The following STPG2 variants were observed in gnomAD, a reference collection of about 807,000 sequenced individuals.
The protein encoded by STPG2 is sperm tail PG-rich repeat containing 2, also known as sperm-tail PG-rich repeat-containing protein 2.
A neutral mutation model predicts 54.2 loss-of-function variants in STPG2; 56 were observed. The observed-to-expected ratio is 1.03, with a 90% CI of 0.83 to 1.29. The LOEUF (loss-of-function observed/expected upper bound fraction) is 1.29, where lower values mean the gene tolerates loss of function less well. STPG2 is among the 50% of genes most tolerant of loss of function. The pLI is 0.00. For missense variants in STPG2, 596 were observed against 544.9 expected (o/e 1.09, Z -0.93); for synonymous variants, 200 against 181.8 (o/e 1.10, Z -0.81).
chr4:97,971,075 A>T (rs1734308555), intron 7 of STPG2, among the ~76,000 whole-genome samples: 1 of 152,250 alleles, frequency 6.6e-6, no homozygotes, highest in Non-Finnish European at 1.5e-5. Flanking sequence ...ACTGGTCATC[A>T]GAGAAATGCA....
intron 9 of STPG2, among the ~76,000 whole-genome samples, chr4:97,800,576 G>T (rs1263433226): frequency 6.6e-6 from 1 of 152,192 alleles, no homozygotes; most frequent in Non-Finnish European, 1.5e-5. Flanking sequence ...GCCGTGTGAG[G>T]TGTCAGTCTG....
chr4:97,446,566 A>G (rs1441305227), intron 4 of STPG2, among the ~76,000 whole-genome samples: 1 of 152,134 alleles, frequency 6.6e-6, no homozygotes, highest in Non-Finnish European at 1.5e-5. Context: ...CTCATCTCAA[A>G]TTGCAATTCC....
intron 10 of STPG2, among the ~76,000 whole-genome samples, chr4:97,590,345 C>T (rs547763545): frequency 6.6e-6 from 1 of 151,958 alleles, no homozygotes; most frequent in South Asian, 2.1e-4. Context: ...GTGTCTCGGT[C>T]AGCAGCAAGA....
chr4:97,945,176 C>T (rs1481642265), intron 7 of STPG2, among the ~76,000 whole-genome samples: 1 of 151,956 alleles, frequency 6.6e-6, no homozygotes, highest in Non-Finnish European at 1.5e-5. Flanking sequence ...GTACATTGTA[C>T]CCAATAAGTA....
At chr4:97,746,889 G>A (rs1348750383) in intron 9 of STPG2, among the ~76,000 whole-genome samples, 4 of 151,126 alleles carry the variant, frequency 2.6e-5, no homozygotes, top group Admixed American at 2.0e-4. Context: ...CCATGTTCCA[G>A]GTATGTAGAA....
Position 97,720,978 on chromosome 4 carries a change from T to C in STPG2, c.1205-8164A>G, listed in dbSNP as rs112580450. 4.9e-3 allele frequency among the ~76,000 whole-genome samples: 747 copies of C among 152,096 alleles called. 3 individuals are homozygous for C. The highest frequency in any genetic ancestry group is 0.02 in the Middle Eastern group (6 of 294). On this transcript the variant is annotated intron_variant, in intron 9 of 10. Transcript: ENST00000295268. ...ATGTGACGTCTTCCCTAAGAGACAA[T>C]CTTCTCCCTCATATTTTTAACTAGA...
At chr4:97,447,791 G>C (rs1729263412) in intron 4 of STPG2, among the ~76,000 whole-genome samples, 1 of 152,220 alleles carries the variant, frequency 6.6e-6, no homozygotes, top group South Asian at 2.1e-4. Flanking sequence ...TGCTAGAGCA[G>C]TGTGGAAGGG....
intron 5 of STPG2, among the ~76,000 whole-genome samples, chr4:98,073,711 G>T (rs923615223): frequency 3.9e-5 from 6 of 151,938 alleles, no homozygotes; most frequent in African/African-American, 1.5e-4. Context: ...TGGGCAACAA[G>T]AGCAAAACTC....
intron 5 of STPG2, among the ~76,000 whole-genome samples, chr4:98,013,330 G>T (rs1373276549): frequency 6.6e-6 from 1 of 152,168 alleles, no homozygotes; most frequent in Non-Finnish European, 1.5e-5. Context: ...TTTTTGATGT[G>T]CTGCTGGATT....
chr4:97,751,338 T>C (rs531414671), intron 9 of STPG2, among the ~76,000 whole-genome samples: 1 of 151,900 alleles, frequency 6.6e-6, no homozygotes, highest in South Asian at 2.1e-4. Flanking sequence ...TTCTGAGGCA[T>C]AGGAGTCCTT....
chr4:97,835,484 C>A (rs1169856290), intron 9 of STPG2, among the ~76,000 whole-genome samples: 2 of 152,038 alleles, frequency 1.3e-5, no homozygotes, highest in African/African-American at 4.8e-5. Context: ...CTTTCACTTA[C>A]AAAATAAAAA....
intron 10 of STPG2, among the ~76,000 whole-genome samples, chr4:97,615,389 G>A (rs1048311456): frequency 6.6e-6 from 1 of 151,760 alleles, no homozygotes; most frequent in African/African-American, 2.4e-5. Flanking sequence ...ACAATATATT[G>A]GCATTTTTGA....
intron 7 of STPG2, among the ~76,000 whole-genome samples, chr4:97,953,929 A>T (rs1021710777): frequency 6.6e-6 from 1 of 152,262 alleles, no homozygotes; most frequent in Non-Finnish European, 1.5e-5. Context: ...CTTTCCAAAT[A>T]GAATAGGCAT....
At chr4:97,652,203 G>A (rs149129201) in intron 10 of STPG2, among the ~76,000 whole-genome samples, 7 of 151,948 alleles carry the variant, frequency 4.6e-5, no homozygotes, top group African/African-American at 9.6e-5. Flanking sequence ...ACATTGTAAC[G>A]AAGAAAGCAA....
intron 3 of STPG2, among the ~76,000 whole-genome samples, chr4:98,123,717 G>C (rs1171446722): frequency 1.3e-5 from 2 of 152,146 alleles, no homozygotes; most frequent in Admixed American, 6.5e-5. Flanking sequence ...GTGATTTAGA[G>C]CTCACTTCAG....
At chr4:97,748,695 G>T (rs1725493182) in intron 9 of STPG2, among the ~76,000 whole-genome samples, 1 of 151,528 alleles carries the variant, frequency 6.6e-6, no homozygotes, top group Admixed American at 6.6e-5. Flanking sequence ...ATAAATGAAT[G>T]AGCATGGCTA....
intron 4 of STPG2, among the ~76,000 whole-genome samples, chr4:97,457,635 C>CA (rs936135973): frequency 3.2e-4 from 48 of 152,000 alleles, no homozygotes; most frequent in East Asian, 2.3e-3. Flanking sequence ...AAACAAACAA[C>CA]AAAAAAAACC....
intron 4 of STPG2, among the ~76,000 whole-genome samples, chr4:97,454,427 G>A (rs1729458651): frequency 6.9e-6 from 1 of 144,878 alleles, no homozygotes; most frequent in South Asian, 2.2e-4. Context: ...GCAGGAGAAT[G>A]GCGTGAACCC....
intron 8 of STPG2, among the ~76,000 whole-genome samples, chr4:97,854,561 A>C (rs1174723715): frequency 6.6e-6 from 1 of 150,880 alleles, no homozygotes. Flanking sequence ...ATATTCATTC[A>C]ATAAAAAGTA....
Sources: gnomAD v4.1 joint callset for allele counts (sites outside exome capture counted in the v4.1 genomes callset) on GRCh38, gnomAD v4.1.1 for gene constraint, MANE v1.5 for transcripts, NCBI Gene and HGNC (gene_info 2026-07-23, HGNC 2026-07-21) for gene names.